The following MYRFL variants were observed in gnomAD, a reference collection of about 807,000 sequenced individuals.
MYRFL encodes the protein myelin regulatory factor-like protein.
MYRFL carries 88 observed loss-of-function variants against 109.4 expected under a neutral mutation model. That is an observed-to-expected ratio of 0.80 (90% CI 0.68 to 0.96). The LOEUF is 0.96. MYRFL is among the 40% of genes least tolerant of loss of function. MYRFL has a pLI of 0.00. For synonymous variants in MYRFL, 324 were observed against 320.9 expected (o/e 1.01, Z -0.10); for missense variants, 957 against 954.9 (o/e 1.00, Z -0.03).
chr12:69,828,759 A>T (rs954909145), intron 1 of MYRFL, among the ~76,000 whole-genome samples: 2 of 151,972 alleles, frequency 1.3e-5, no homozygotes, highest in African/African-American at 2.4e-5. Context: ...CCCATTCCTC[A>T]CTTTACTTCA....
chr12:69,850,071 G>T (rs1316572663), intron 1 of MYRFL, among the ~76,000 whole-genome samples: 11 of 152,158 alleles, frequency 7.2e-5, no homozygotes, highest in Admixed American at 7.2e-4. Context: ...GATAGTGAAT[G>T]AATTTCATGA....
chr12:69,946,093 T>G (rs951541904), intron 19 of MYRFL, among the ~76,000 whole-genome samples: 3 of 151,372 alleles, frequency 2.0e-5, no homozygotes, highest in African/African-American at 7.3e-5. Context: ...GTATACTAAT[T>G]TATTATTGTT....
rs577732453 is a variant in MYRFL, at chr12:69,910,796, A to G, written c.1493-25A>G. 46 of 1,458,982 alleles carry G rather than the reference A, an allele frequency of 3.2e-5. No individual in the cohort carries two copies. In the African/African-American group the frequency reaches 5.9e-4, roughly 19 times the overall value. The allele number at this position is 1,458,982 out of a possible 1,614,324, so 90.4% of individuals were successfully genotyped here. A position where few individuals can be genotyped will look rare whatever the true frequency, so the allele number is the denominator to read the frequency against. ...CAGAAAGATCTTTCTTTGAAGATTA[A>G]ACCTGTGGAGTGTTTTGTATACAGG... On this transcript the variant is annotated intron_variant, in intron 12 of 24. Coordinates refer to ENST00000552032, the MANE Select transcript of MYRFL (RefSeq NM_182530.3).
intron 1 of MYRFL, among the ~76,000 whole-genome samples, chr12:69,840,074 T>C (rs1348714110): frequency 6.6e-6 from 1 of 152,178 alleles, no homozygotes; most frequent in Non-Finnish European, 1.5e-5. Context: ...ATATTATATT[T>C]ACATAATTAG....
At position 69,958,776 on chromosome 12, in the gene MYRFL, G is replaced by C. The variant is rs1956152184; in HGVS notation, c.*245G>C. Reference sequence around the variant, plus strand: ...GACTATGAAGAAAACATTTCCTGGAGCAAACAGTTCTGTTGAATTTAAAAA... The same window carrying C: ...GACTATGAAGAAAACATTTCCTGGACCAAACAGTTCTGTTGAATTTAAAAA... On this transcript the variant is annotated 3_prime_UTR_variant, in exon 25 of 25. Transcript: ENST00000552032. 2.3e-6 allele frequency: 1 copy of C among 430,320 alleles called. No individual in the cohort carries two copies. The highest frequency in any genetic ancestry group is 2.1e-5 in the African/African-American group (1 of 48,352). 26.7% of individuals were successfully genotyped at this position (430,320 alleles called of 1,614,324 possible).
intron 2 of MYRFL, among the ~76,000 whole-genome samples, chr12:69,875,403 C>G (rs986283347): frequency 3.3e-5 from 5 of 151,932 alleles, no homozygotes; most frequent in East Asian, 3.9e-4. Context: ...CTTGTCTGCT[C>G]CATTTAGCTT....
At chr12:69,891,610 T>TCCTC (rs1566002059) in intron 7 of MYRFL, among the ~76,000 whole-genome samples, 3 of 115,516 alleles carry the variant, frequency 2.6e-5, no homozygotes, top group Admixed American at 8.0e-5. Flanking sequence ...TCTTTCTCTT[T>TCCTC]CTTTCTTTCT....
chr12:69,907,155 G>C (rs1444021669), intron 11 of MYRFL, among the ~76,000 whole-genome samples: 1 of 152,188 alleles, frequency 6.6e-6, no homozygotes, highest in Non-Finnish European at 1.5e-5. Context: ...ACAGGCTACT[G>C]TTTATATTTA....
At chr12:69,907,542 T>C (rs1954406327) in intron 11 of MYRFL, among the ~76,000 whole-genome samples, 1 of 152,152 alleles carries the variant, frequency 6.6e-6, no homozygotes, top group African/African-American at 2.4e-5. Flanking sequence ...CACAGGGGCC[T>C]ATGGCTGAGG....
chr12:69,936,258 T>A, intron 17 of MYRFL, 25 bp from the exon 18 acceptor site: 13 of 1,535,940 alleles, frequency 8.5e-6, no homozygotes, highest in Non-Finnish European at 1.1e-5. Flanking sequence ...CCTCTTTCAT[T>A]AATCATTTCA....
chr12:69,925,788 A>AT (rs397700729), intron 13 of MYRFL, among the ~76,000 whole-genome samples: 35 of 151,490 alleles, frequency 2.3e-4, no homozygotes, highest in African/African-American at 8.2e-4. Flanking sequence ...CTTTAAAAAA[A>AT]TTGCTTTTTT....
chr12:69,909,466 T>C (rs914167071), intron 11 of MYRFL, among the ~76,000 whole-genome samples: 1 of 152,236 alleles, frequency 6.6e-6, no homozygotes, highest in South Asian at 2.1e-4. Context: ...TAAATATTTG[T>C]ATTTATTTGT....
intron 6 of MYRFL, among the ~76,000 whole-genome samples, chr12:69,890,745 A>T (rs1014929392): frequency 6.6e-6 from 1 of 152,184 alleles, no homozygotes; most frequent in Non-Finnish European, 1.5e-5. Context: ...AAAAAGAAAG[A>T]TTGTACTTCT....
chr12:69,829,403 C>T (rs1882482218), intron 1 of MYRFL, among the ~76,000 whole-genome samples: 2 of 152,000 alleles, frequency 1.3e-5, no homozygotes, highest in African/African-American at 4.8e-5. Context: ...ATGCTGAAGG[C>T]TTTGGAGCAG....
chr12:69,830,071 G>A (rs144630971), intron 1 of MYRFL, among the ~76,000 whole-genome samples: 247 of 152,110 alleles, frequency 1.6e-3, no homozygotes, highest in Middle Eastern at 6.8e-3. Context: ...GGAGCAAATG[G>A]CAAATGATCT....
chr12:69,852,752 G>T (rs1432222744), intron 1 of MYRFL, among the ~76,000 whole-genome samples: 1 of 151,890 alleles, frequency 6.6e-6, no homozygotes, highest in Non-Finnish European at 1.5e-5. Context: ...CAGTGTTTGT[G>T]TCCCTGGGTA....
At chr12:69,932,424 A>C (rs1025809775) in intron 15 of MYRFL, 89 bp from the exon 16 acceptor site, 2 of 828,762 alleles carry the variant, frequency 2.4e-6, no homozygotes, top group Non-Finnish European at 2.0e-6. Flanking sequence ...GAGAGCAGCA[A>C]ATACCCCTGC....
chr12:69,880,951 G>GGTTT (rs1555246956), intron 5 of MYRFL, among the ~76,000 whole-genome samples: 7 of 112,626 alleles, frequency 6.2e-5, no homozygotes, highest in Non-Finnish European at 1.1e-4. Context: ...CAGCCTTCCT[G>GGTTT]TTTTTTTTTT....
intron 2 of MYRFL, among the ~76,000 whole-genome samples, chr12:69,861,075 A>G (rs928183430): frequency 6.7e-6 from 1 of 149,484 alleles, no homozygotes; most frequent in Non-Finnish European, 1.5e-5. Flanking sequence ...AAGGACATGA[A>G]CTCATCATTT....
Sources: allele counts gnomAD v4.1 joint callset (sites outside exome capture counted in the v4.1 genomes callset), GRCh38; gene constraint gnomAD v4.1.1; transcripts MANE v1.5; gene names NCBI Gene and HGNC (gene_info 2026-07-23, HGNC 2026-07-21).